The following GRM5 variants were observed in gnomAD, a reference collection of about 807,000 sequenced individuals.
GRM5 encodes the protein glutamate metabotropic receptor 5, also known as metabotropic glutamate receptor 5.
A neutral mutation model predicts 83.1 loss-of-function variants in GRM5; 19 were observed. The ratio of observed to expected loss-of-function variants is 0.23; its 90% CI spans 0.16 to 0.34. The LOEUF (loss-of-function observed/expected upper bound fraction) is 0.34, where lower values mean the gene tolerates loss of function less well. GRM5 is among the 10% of genes least tolerant of loss of function. GRM5 has a pLI of 1.00. For missense variants in GRM5, 1,160 were observed against 1,588.3 expected (o/e 0.73, Z 4.58); for synonymous variants, 675 against 633.6 (o/e 1.07, Z -0.98).
intron 2 of GRM5, among the ~76,000 whole-genome samples, chr11:88,942,380 A>G (rs570932210): frequency 7.1e-4 from 108 of 152,108 alleles, no homozygotes; most frequent in African/African-American, 2.5e-3. Flanking sequence ...TTTCTAGTGT[A>G]ATTTGTCTGT....
At chr11:88,687,301 T>C (rs901121461) in intron 3 of GRM5, among the ~76,000 whole-genome samples, 3 of 148,064 alleles carry the variant, frequency 2.0e-5, no homozygotes, top group Non-Finnish European at 3.0e-5. Flanking sequence ...GGTGAAACCC[T>C]GTCTCTACTA....
intron 3 of GRM5, among the ~76,000 whole-genome samples, chr11:88,777,976 C>T (rs559982001): frequency 1.1e-4 from 16 of 152,272 alleles, no homozygotes; most frequent in Admixed American, 2.6e-4. Flanking sequence ...AGGAGAACAC[C>T]GCTCTCTTCA....
chr11:88,608,187 T>G (rs1378322063), intron 4 of GRM5, among the ~76,000 whole-genome samples: 1 of 152,194 alleles, frequency 6.6e-6, no homozygotes, highest in Non-Finnish European at 1.5e-5. Flanking sequence ...CTGTAAGTAA[T>G]AAACCCATTT....
At chr11:88,880,945 A>G (rs1944941645) in intron 2 of GRM5, among the ~76,000 whole-genome samples, 1 of 152,158 alleles carries the variant, frequency 6.6e-6, no homozygotes, top group African/African-American at 2.4e-5. Flanking sequence ...GTGAAATTAA[A>G]TAGTTAATAT....
chr11:89,022,593 A>C (rs571358953), intron 2 of GRM5, among the ~76,000 whole-genome samples: 2 of 152,192 alleles, frequency 1.3e-5, no homozygotes, highest in East Asian at 3.9e-4. Flanking sequence ...CGGGGATTGC[A>C]GTGAGCCGAG....
intron 9 of GRM5, among the ~76,000 whole-genome samples, chr11:88,523,604 G>A (rs911947795): frequency 6.6e-6 from 1 of 152,176 alleles, no homozygotes; most frequent in Non-Finnish European, 1.5e-5. Context: ...AAGGCCATCA[G>A]ATACACCAAA....
intron 3 of GRM5, among the ~76,000 whole-genome samples, chr11:88,746,989 A>AT (rs945327915): frequency 4.6e-5 from 7 of 152,144 alleles, no homozygotes; most frequent in African/African-American, 1.2e-4. Context: ...GTCATATATT[A>AT]TTTTTTACTT....
intron 4 of GRM5, among the ~76,000 whole-genome samples, chr11:88,651,525 G>T (rs11020794): frequency 0.71 from 108,292 of 151,996 alleles, 43,473 homozygotes; most frequent in South Asian, 0.92. Flanking sequence ...GAAATCTGTT[G>T]TCTTCAGAAA....
chr11:88,882,548 G>A (rs190025281), intron 2 of GRM5, among the ~76,000 whole-genome samples: 20 of 146,220 alleles, frequency 1.4e-4, no homozygotes, highest in South Asian at 6.4e-4. Flanking sequence ...GCAAAAGAGC[G>A]AGACTCTGTC....
intron 3 of GRM5, among the ~76,000 whole-genome samples, chr11:88,733,620 C>A (rs1941851657): frequency 1.3e-5 from 2 of 151,950 alleles, no homozygotes; most frequent in Admixed American, 1.3e-4. Context: ...GTTTTAGACA[C>A]ATTAACAAGT....
At chr11:88,825,229 CT>C (rs570503924) in intron 3 of GRM5, among the ~76,000 whole-genome samples, 144 of 143,300 alleles carry the variant, frequency 1.0e-3, no homozygotes, top group Middle Eastern at 3.6e-3. Context: ...GGATCCTGAA[CT>C]TTTTTTTTTT....
At chr11:88,727,467 A>G (rs577802264) in intron 3 of GRM5, among the ~76,000 whole-genome samples, 1 of 152,318 alleles carries the variant, frequency 6.6e-6, no homozygotes, top group African/African-American at 2.4e-5. Flanking sequence ...TGTCAATATT[A>G]GAGAGATCGA....
At chr11:88,655,981 C>T (rs1939758994) in intron 3 of GRM5, among the ~76,000 whole-genome samples, 2 of 152,064 alleles carry the variant, frequency 1.3e-5, no homozygotes, top group Admixed American at 1.3e-4. Context: ...TAAACATTAA[C>T]ATTTTTATAT....
chr11:88,982,493 G>A (rs964139786), intron 2 of GRM5, among the ~76,000 whole-genome samples: 1 of 151,948 alleles, frequency 6.6e-6, no homozygotes, highest in Admixed American at 6.6e-5. Context: ...CTTTTAATTT[G>A]TAATATAGTT....
intron 7 of GRM5, among the ~76,000 whole-genome samples, chr11:88,571,863 G>A (rs1943010108): frequency 1.3e-5 from 2 of 152,090 alleles, no homozygotes; most frequent in South Asian, 4.1e-4. Flanking sequence ...AGTGAAGACT[G>A]GAAATGAAGA....
chr11:88,997,346 A>G (rs1940216332), intron 2 of GRM5, among the ~76,000 whole-genome samples: 1 of 151,182 alleles, frequency 6.6e-6, no homozygotes, highest in Non-Finnish European at 1.5e-5. Context: ...AAAAAAAAAA[A>G]AAAAGAATGA....
At chr11:88,868,758 T>G (rs1049493255) in intron 2 of GRM5, among the ~76,000 whole-genome samples, 6 of 151,760 alleles carry the variant, frequency 4.0e-5, no homozygotes, top group African/African-American at 1.4e-4. Context: ...AACAGCGTCT[T>G]AGTACTTCTT....
intron 2 of GRM5, among the ~76,000 whole-genome samples, chr11:89,029,539 T>C (rs1320388861): frequency 6.6e-6 from 1 of 152,210 alleles, no homozygotes; most frequent in Non-Finnish European, 1.5e-5. Flanking sequence ...AATGCTTTTC[T>C]AGTTTTCTAT....
At chr11:88,966,134 A>T (rs1199627808) in intron 2 of GRM5, among the ~76,000 whole-genome samples, 1 of 152,140 alleles carries the variant, frequency 6.6e-6, no homozygotes. Context: ...TAAACAACAC[A>T]TTTCTAAGTA....
Sources: gnomAD v4.1 joint callset for allele counts (sites outside exome capture counted in the v4.1 genomes callset) on GRCh38, gnomAD v4.1.1 for gene constraint, MANE v1.5 for transcripts, NCBI Gene and HGNC (gene_info 2026-07-23, HGNC 2026-07-21) for gene names.